Variants in ABTB3 observed in about 807,000 individuals in gnomAD.
The protein encoded by ABTB3 is ankyrin repeat- and BTB/POZ domain-containing protein 3.
At chr12:107,623,542 T>A in the ABTB3 span, among the ~76,000 whole-genome samples, 4 of 151,988 alleles carry the variant, frequency 2.6e-5, no homozygotes, top group African/African-American at 9.7e-5. Context: ...AATTTTTATA[T>A]TTTTGGTAGA....
At chr12:107,654,832 A>ACACACG in the ABTB3 span, among the ~76,000 whole-genome samples, 177 of 147,458 alleles carry the variant, frequency 1.2e-3, no homozygotes, top group African/African-American at 4.5e-3. Context: ...ACACACACAC[A>ACACACG]CACACACACA....
At chr12:107,455,724 C>G in the ABTB3 span, among the ~76,000 whole-genome samples, 1 of 152,162 alleles carries the variant, frequency 6.6e-6, no homozygotes, top group Non-Finnish European at 1.5e-5. Flanking sequence ...GACGGGGAGT[C>G]AGCTCTGCTT....
chr12:107,614,936 G>A, the ABTB3 span: 29 of 738,638 alleles, frequency 3.9e-5, 1 homozygote, highest in South Asian at 4.0e-4. Context: ...AGCTCTTCCC[G>A]AGGCATCTTC....
the ABTB3 span, among the ~76,000 whole-genome samples, chr12:107,586,672 G>A: frequency 6.6e-6 from 1 of 152,190 alleles, no homozygotes; most frequent in Non-Finnish European, 1.5e-5. Flanking sequence ...GGGCTCAGCT[G>A]TCCTCACTTA....
chr12:107,624,951 A>G, the ABTB3 span, among the ~76,000 whole-genome samples: 5 of 152,310 alleles, frequency 3.3e-5, no homozygotes, highest in African/African-American at 1.2e-4. Flanking sequence ...TTCCCACTGG[A>G]AAAGACTGAG....
At chr12:107,580,927 G>A in the ABTB3 span, 1 of 1,551,472 alleles carries the variant, frequency 6.4e-7, no homozygotes, top group African/African-American at 1.4e-5. Context: ...TGAGGCCCAA[G>A]GATTCCAGAG....
At chr12:107,566,355 G>A in the ABTB3 span, among the ~76,000 whole-genome samples, 1 of 151,932 alleles carries the variant, frequency 6.6e-6, no homozygotes. Context: ...AGTTATTCTT[G>A]GAGCTTTGGT....
At chr12:107,616,667 T>C in the ABTB3 span, among the ~76,000 whole-genome samples, 1 of 152,222 alleles carries the variant, frequency 6.6e-6, no homozygotes, top group Non-Finnish European at 1.5e-5. Context: ...GAGGCTACCC[T>C]AGTGCCCTCT....
At chr12:107,562,902 T>C in the ABTB3 span, among the ~76,000 whole-genome samples, 4 of 152,182 alleles carry the variant, frequency 2.6e-5, no homozygotes, top group Non-Finnish European at 5.9e-5. Context: ...TTGCCAGCCT[T>C]TCCTATATGG....
the ABTB3 span, among the ~76,000 whole-genome samples, chr12:107,324,639 G>A: frequency 1.3e-5 from 2 of 152,068 alleles, no homozygotes; most frequent in Non-Finnish European, 1.5e-5. Context: ...TTTGTCAAAC[G>A]GGGTTTCACC....
chr12:107,409,887 A>C, the ABTB3 span, among the ~76,000 whole-genome samples: 21 of 152,334 alleles, frequency 1.4e-4, no homozygotes, highest in Non-Finnish European at 1.2e-4. Flanking sequence ...GAAGCACACT[A>C]TATCAAAAAA....
the ABTB3 span, among the ~76,000 whole-genome samples, chr12:107,359,096 T>C: frequency 6.6e-6 from 1 of 152,182 alleles, no homozygotes; most frequent in Non-Finnish European, 1.5e-5. Flanking sequence ...TCCTAAGAAA[T>C]GCTGTCATCT....
At chr12:107,591,818 C>A in the ABTB3 span, among the ~76,000 whole-genome samples, 1 of 152,156 alleles carries the variant, frequency 6.6e-6, no homozygotes, top group African/African-American at 2.4e-5. Context: ...TTCCATCAGC[C>A]CTACAAGGGG....
chr12:107,624,479 T>A, the ABTB3 span, among the ~76,000 whole-genome samples: 6 of 152,152 alleles, frequency 3.9e-5, no homozygotes, highest in African/African-American at 1.2e-4. Flanking sequence ...GTTGCCCTTT[T>A]ATAACCACAC....
At chr12:107,516,406 A>G in the ABTB3 span, among the ~76,000 whole-genome samples, 1 of 151,776 alleles carries the variant, frequency 6.6e-6, no homozygotes, top group Non-Finnish European at 1.5e-5. Flanking sequence ...AATTTTTTGT[A>G]TTTTTAGTAG....
At chr12:107,366,304 A>G in the ABTB3 span, among the ~76,000 whole-genome samples, 2 of 152,228 alleles carry the variant, frequency 1.3e-5, no homozygotes, top group South Asian at 4.1e-4. Context: ...TTTTCCAGAG[A>G]AAGCATCGTA....
chr12:107,651,118 C>T, the ABTB3 span, among the ~76,000 whole-genome samples: 252 of 152,092 alleles, frequency 1.7e-3, 1 homozygote, highest in Non-Finnish European at 2.9e-3. Context: ...TCTCCGAGGC[C>T]GGCACCGTGC....
the ABTB3 span, among the ~76,000 whole-genome samples, chr12:107,359,835 G>A: frequency 1.3e-5 from 2 of 152,064 alleles, no homozygotes; most frequent in African/African-American, 4.8e-5. Context: ...CCAAAGCTGG[G>A]GACCTTTCCA....
At chr12:107,600,236 C>G in the ABTB3 span, among the ~76,000 whole-genome samples, 1 of 152,326 alleles carries the variant, frequency 6.6e-6, no homozygotes, top group East Asian at 1.9e-4. Context: ...CACCTACAAG[C>G]TGTGCGACCT....
Sources: gnomAD v4.1 joint callset for allele counts (sites outside exome capture counted in the v4.1 genomes callset) on GRCh38, gnomAD v4.1.1 for gene constraint, MANE v1.5 for transcripts, NCBI Gene and HGNC (gene_info 2026-07-23, HGNC 2026-07-21) for gene names.